The following PTPRZ1 variants were observed in gnomAD, a reference collection of about 807,000 sequenced individuals.
The protein encoded by PTPRZ1 is receptor-type tyrosine-protein phosphatase zeta.
A neutral mutation model predicts 214.1 loss-of-function variants in PTPRZ1; 82 were observed. That is an observed-to-expected ratio of 0.38 (90% CI 0.32 to 0.46). The LOEUF (loss-of-function observed/expected upper bound fraction) is 0.46. Among genes scored for constraint, PTPRZ1 ranks in the 20% least tolerant of loss-of-function variants. The pLI is 1.00. For missense variants in PTPRZ1, 2,603 were observed against 2,748.7 expected (o/e 0.95, Z 1.19); for synonymous variants, 945 against 987.9 (o/e 0.96, Z 0.81).
intron 11 of PTPRZ1, among the ~76,000 whole-genome samples, chr7:122,008,271 G>GT (rs2116646783): frequency 6.6e-6 from 1 of 152,212 alleles, no homozygotes; most frequent in Admixed American, 6.6e-5. Flanking sequence ...AACTTTTGCT[G>GT]TGAAGGAGAG....
At chr7:122,058,210 T>TA (rs1274922883) in intron 27 of PTPRZ1, among the ~76,000 whole-genome samples, 1 of 152,052 alleles carries the variant, frequency 6.6e-6, no homozygotes, top group Admixed American at 6.6e-5. Context: ...TACTTGTTTT[T>TA]AAAAAAGGTA....
intron 11 of PTPRZ1, among the ~76,000 whole-genome samples, chr7:122,008,652 G>A (rs1266193343): frequency 1.3e-5 from 2 of 152,020 alleles, no homozygotes; most frequent in African/African-American, 4.8e-5. Context: ...GAGAATGGGA[G>A]GAAAGGATAG....
At chr7:121,917,852 C>T (rs1795470842) in intron 1 of PTPRZ1, among the ~76,000 whole-genome samples, 1 of 152,060 alleles carries the variant, frequency 6.6e-6, no homozygotes, top group African/African-American at 2.4e-5. Context: ...AGTCAGATCT[C>T]CCTTGCTCAT....
At chr7:122,021,025 C>T (rs1015873077) in intron 13 of PTPRZ1, among the ~76,000 whole-genome samples, 4 of 152,256 alleles carry the variant, frequency 2.6e-5, no homozygotes, top group East Asian at 1.9e-4. Flanking sequence ...CCCTACCAAA[C>T]TACCTTTTTA....
chr7:122,038,726 T>C (rs767889633), intron 18 of PTPRZ1, 29 bp from the exon 19 acceptor site: 1 of 1,607,616 alleles, frequency 6.2e-7, no homozygotes. Context: ...AATCAGTTAG[T>C]AGGAAACATT....
chr7:122,011,503 G>A lies in PTPRZ1; in HGVS notation c.2457G>A (p.Leu819=). 1 of 1,613,872 alleles carries A rather than the reference G, an allele frequency of 6.2e-7. No individual in the cohort carries two copies. Among genetic ancestry groups the A allele is most frequent in the Non-Finnish European group, 8.5e-7 (1 of 1,179,838 alleles). Residue 819 remains leucine, a synonymous_variant, in exon 12 of 30, where the codon TTG becomes TTA. Coordinates refer to ENST00000393386, the MANE Select transcript of PTPRZ1 (RefSeq NM_002851.3). ...SILSSYDGAP[L]LPFSSASFSS... ...TGTCTTCCTATGATGGTGCACCTTT[G>A]CTTCCATTTTCCTCTGCTTCCTTCA...
intron 2 of PTPRZ1, among the ~76,000 whole-genome samples, chr7:121,957,993 T>C (rs1174369287): frequency 6.6e-6 from 1 of 152,224 alleles, no homozygotes; most frequent in African/African-American, 2.4e-5. Flanking sequence ...TTTCCATAAC[T>C]TCAAACTCTT....
In PTPRZ1 at chr7:122,059,827, TG is replaced by T; in HGVS notation, c.6748del (p.Asp2250MetfsTer5). 1 of 1,613,616 alleles carries T rather than the reference TG, an allele frequency of 6.2e-7. No homozygotes were observed. ...LMHQLEKENSVDVYQVAKMIN... is the reference protein window; with the variant it reads ...LMHQLEKENSXDVYQVAKMIN... ...CACCAACTAGAAAAAGAAAATTCCG[TG>T]GATGTTTACCAGGTAGCCAAGATGA... On this transcript the variant is annotated frameshift_variant, in exon 29 of 30. Coordinates refer to ENST00000393386, the MANE Select transcript of PTPRZ1 (RefSeq NM_002851.3). LOFTEE classifies it high-confidence loss of function.
intron 6 of PTPRZ1, among the ~76,000 whole-genome samples, chr7:121,981,186 G>A (rs181946925): frequency 6.6e-6 from 1 of 151,866 alleles, no homozygotes; most frequent in African/African-American, 2.4e-5. Context: ...CCTTGAAAAG[G>A]CTTCACTTTA....
chr7:121,899,675 C>T (rs1415985723), intron 1 of PTPRZ1, among the ~76,000 whole-genome samples: 7 of 152,056 alleles, frequency 4.6e-5, no homozygotes, highest in East Asian at 3.9e-4. Context: ...GGGGAAAGGA[C>T]CAGATCTGAT....
At position 122,012,828 on chromosome 7, in the gene PTPRZ1, C is replaced by A. The variant is rs151034033; in HGVS notation, c.3782C>A (p.Thr1261Asn). The change falls in exon 12 of 30, where the codon ACC (threonine) becomes AAC (asparagine). Residue 1261 changes from threonine to asparagine, a missense_variant. Around this residue, in one of 6 missense-constraint regions of PTPRZ1, gnomAD observed 1,913 missense variants for 1,914.3 expected, o/e 1.00. Coordinates refer to ENST00000393386, the MANE Select transcript of PTPRZ1 (RefSeq NM_002851.3). Reference sequence around the variant, plus strand: ...CACTCTGCTTCACTTCAAGGTTTGACCATTTCCTATGCAAGTGAGAAATAT... The same window carrying A: ...CACTCTGCTTCACTTCAAGGTTTGAACATTTCCTATGCAAGTGAGAAATAT... ...HMHSASLQGL[T>N]ISYASEKYEP... 3.1e-6 allele frequency: 5 copies of A among 1,612,930 alleles called. No homozygotes were observed. In the Admixed American group the frequency reaches 8.3e-5, roughly 27 times the overall value.
intron 1 of PTPRZ1, among the ~76,000 whole-genome samples, chr7:121,894,893 G>T (rs1359563338): frequency 6.6e-6 from 1 of 152,050 alleles, no homozygotes; most frequent in Non-Finnish European, 1.5e-5. Context: ...AGATAATTTT[G>T]GGATTTATAA....
intron 29 of PTPRZ1, 77 bp downstream of exon 29, chr7:122,059,965 G>A: frequency 7.1e-7 from 1 of 1,411,408 alleles, no homozygotes; most frequent in Non-Finnish European, 9.6e-7. Flanking sequence ...GAAATCTTAT[G>A]TATCAAGAAA....
rs1281322576 is a variant in PTPRZ1 at position 122,010,346 on chromosome 7, G to C, written c.1300G>C (p.Gly434Arg). The change falls in exon 12 of 30, where the codon GGA becomes CGA. Residue 434 changes from glycine to arginine, a missense_variant. Physicochemically the swap from Gly to Arg is moderately radical, Grantham distance 125. This residue lies in a region of PTPRZ1 where 1,913 missense variants were observed against 1,914.3 expected (regional missense o/e 1.00). Transcript: ENST00000393386. ...TEEIIKEEEE[G>R]KDIEEGAIVN... Reference sequence around the variant, plus strand: ...TTGCTTTTCAAAGGAGGAGGAAGAGGGAAAAGACATTGAAGAAGGCGCTAT... The same window carrying C: ...TTGCTTTTCAAAGGAGGAGGAAGAGCGAAAAGACATTGAAGAAGGCGCTAT... The C allele has an allele frequency of 4.4e-6, 7 of 1,604,572 alleles. No individual in the cohort carries two copies. The highest frequency in any genetic ancestry group is 5.9e-6 in the Non-Finnish European group (7 of 1,177,082).
chr7:121,891,202 C>T (rs1794594953), intron 1 of PTPRZ1, among the ~76,000 whole-genome samples: 1 of 152,098 alleles, frequency 6.6e-6, no homozygotes. Flanking sequence ...TTGAGGACTT[C>T]CCTGGACACA....
intron 14 of PTPRZ1, 22 bp downstream of exon 14, chr7:122,028,665 A>G (rs1799279887): frequency 6.7e-7 from 1 of 1,485,286 alleles, no homozygotes; most frequent in Admixed American, 1.7e-5. Context: ...AAGTGTGACC[A>G]TGAGTAGCTG....
At chr7:122,023,635 ATT>A (rs1293608171) in intron 13 of PTPRZ1, among the ~76,000 whole-genome samples, 68 of 131,092 alleles carry the variant, frequency 5.2e-4, no homozygotes, top group African/African-American at 1.8e-3. Flanking sequence ...TATATGTATA[ATT>A]TTATATATAA....
At chr7:122,048,676 T>C (rs1179783001) in intron 23 of PTPRZ1, among the ~76,000 whole-genome samples, 1 of 152,066 alleles carries the variant, frequency 6.6e-6, no homozygotes, top group Non-Finnish European at 1.5e-5. Flanking sequence ...AAAAATATAA[T>C]GAAAATACAC....
intron 2 of PTPRZ1, among the ~76,000 whole-genome samples, chr7:121,961,939 G>A (rs1467779840): frequency 6.6e-6 from 1 of 152,114 alleles, no homozygotes; most frequent in Non-Finnish European, 1.5e-5. Flanking sequence ...GTATTCTGCT[G>A]TCCTCTTTAT....
Sources: gnomAD v4.1 joint callset for allele counts (sites outside exome capture counted in the v4.1 genomes callset) on GRCh38, gnomAD v4.1.1 for gene constraint, gnomAD v4.1.1 regional missense constraint, MANE v1.5 for transcripts, NCBI Gene and HGNC (gene_info 2026-07-23, HGNC 2026-07-21) for gene names.